CCDC7: variants seen among roughly 807,000 people sequenced by gnomAD.
CCDC7 encodes the protein coiled-coil domain containing 7, also known as coiled-coil domain-containing protein 7.
In CCDC7, 183 loss-of-function variants were observed where a neutral mutation model predicts 196.9. The observed-to-expected ratio is 0.93, with a 90% CI of 0.82 to 1.05. CCDC7 has a LOEUF of 1.05. CCDC7 is among the 50% of genes least tolerant of loss of function. The pLI, the probability that CCDC7 is intolerant of heterozygous loss-of-function variation, is 0.00. For missense variants in CCDC7, 1,540 were observed against 1,482.2 expected (o/e 1.04, Z -0.64); for synonymous variants, 525 against 484.6 (o/e 1.08, Z -1.10).
intron 5 of CCDC7, among the ~76,000 whole-genome samples, chr10:32,464,438 T>C (rs2036335239): frequency 6.6e-6 from 1 of 152,214 alleles, no homozygotes; most frequent in African/African-American, 2.4e-5. Context: ...CTTATACATA[T>C]GACTAATTAT....
chr10:32,813,012 T>G (rs1023431998), intron 30 of CCDC7, among the ~76,000 whole-genome samples: 1 of 152,180 alleles, frequency 6.6e-6, no homozygotes, highest in African/African-American at 2.4e-5. Context: ...CAGTATAGAA[T>G]GCAGTTGTGG....
At chr10:32,737,352 G>A (rs966265132) in intron 28 of CCDC7, among the ~76,000 whole-genome samples, 11 of 152,114 alleles carry the variant, frequency 7.2e-5, no homozygotes, top group Admixed American at 2.0e-4. Context: ...TTTGGTATTA[G>A]GGTAATATAG....
chr10:32,739,600 A>C (rs2085460845), intron 28 of CCDC7, among the ~76,000 whole-genome samples: 1 of 151,504 alleles, frequency 6.6e-6, no homozygotes, highest in African/African-American at 2.4e-5. Context: ...TAATTTGAAA[A>C]ATTCTGCCAT....
intron 9 of CCDC7, 112 bp from the exon 11 acceptor site, chr10:32,517,833 A>G: frequency 8.7e-7 from 1 of 1,154,184 alleles, no homozygotes; most frequent in Non-Finnish European, 1.2e-6. Flanking sequence ...AGAATAAAAC[A>G]GCAGCAACTA....
At chr10:32,635,399 A>G (rs1243122368) in intron 20 of CCDC7, among the ~76,000 whole-genome samples, 1 of 152,168 alleles carries the variant, frequency 6.6e-6, no homozygotes, top group Non-Finnish European at 1.5e-5. Context: ...ACATTTTATT[A>G]TTAATGTACA....
At chr10:32,675,531 G>A (rs1363076884) in intron 21 of CCDC7, 2 of 152,056 alleles carry the variant, frequency 1.3e-5, no homozygotes, top group Non-Finnish European at 2.9e-5. Flanking sequence ...TTATACTAGA[G>A]TTAAAATGAT....
At chr10:32,662,354 G>A (rs2071662421) in intron 20 of CCDC7, among the ~76,000 whole-genome samples, 1 of 152,176 alleles carries the variant, frequency 6.6e-6, no homozygotes, top group South Asian at 2.1e-4. Context: ...CTACTAAGGT[G>A]CTTTTTCCTG....
At chr10:32,704,589 T>G (rs2079368096) in intron 24 of CCDC7, among the ~76,000 whole-genome samples, 1 of 152,084 alleles carries the variant, frequency 6.6e-6, no homozygotes, top group Admixed American at 6.5e-5. Flanking sequence ...TTTGTTTGGG[T>G]ATGCCCTGCC....
At chr10:32,709,443 C>G (rs111850272) in intron 24 of CCDC7, among the ~76,000 whole-genome samples, 4 of 152,036 alleles carry the variant, frequency 2.6e-5, no homozygotes, top group African/African-American at 9.7e-5. Flanking sequence ...ACGTTATGCA[C>G]ATGTACCCTA....
Position 32,638,403 on chromosome 10 carries a change from C to T in CCDC7, c.2014+3245C>T, listed in dbSNP as rs531200832. On this transcript the variant is annotated intron_variant, in intron 20 of 41. Coordinates refer to ENST00000639629, the Ensembl canonical transcript of CCDC7. The stretch of plus-strand genomic sequence containing the variant: ...AGCTCTTATTATTTTGAGATACGTC[C>T]CATCAATACCTAATGTATTGAGAGT... Among the ~76,000 whole-genome samples the T allele has an allele frequency of 2.0e-5, 3 of 152,226 alleles. No homozygotes were observed. In the East Asian group the frequency reaches 5.8e-4, roughly 29 times the overall value.
intron 24 of CCDC7, among the ~76,000 whole-genome samples, chr10:32,704,508 C>A (rs955499379): frequency 6.6e-6 from 1 of 152,120 alleles, no homozygotes; most frequent in Non-Finnish European, 1.5e-5. Context: ...AAACTCCATG[C>A]TGGGAGAACC....
chr10:32,544,436 G>A, intron 13 of CCDC7, 135 bp downstream of exon 14: 1 of 789,034 alleles, frequency 1.3e-6, no homozygotes, highest in Non-Finnish European at 1.8e-6. Context: ...CTGTGTGTGT[G>A]TGTACTAAAA....
chr10:32,679,814 T>C (rs1286007174), intron 21 of CCDC7, among the ~76,000 whole-genome samples: 2 of 152,184 alleles, frequency 1.3e-5, no homozygotes. Context: ...GGTTTATGCA[T>C]GGATGACAGA....
intron 22 of CCDC7, among the ~76,000 whole-genome samples, chr10:32,688,077 T>G (rs2141186703): frequency 6.6e-6 from 1 of 152,258 alleles, no homozygotes; most frequent in South Asian, 2.1e-4. Context: ...ATCTCTTTTT[T>G]TTCCCTGCCA....
At chr10:32,614,219 G>A (rs2062508820) in intron 18 of CCDC7, among the ~76,000 whole-genome samples, 1 of 151,310 alleles carries the variant, frequency 6.6e-6, no homozygotes, top group South Asian at 2.1e-4. Context: ...TCAGAGACTA[G>A]GATTGCAACC....
At chr10:32,560,130 T>TAAAAAG (rs1050661102) in intron 13 of CCDC7, among the ~76,000 whole-genome samples, 3 of 152,030 alleles carry the variant, frequency 2.0e-5, no homozygotes, top group African/African-American at 7.3e-5. Flanking sequence ...GGAAAAAGAA[T>TAAAAAG]AAAAAGAAAC....
chr10:32,817,936 GC>G (rs2089169056), intron 31 of CCDC7, among the ~76,000 whole-genome samples: 1 of 152,124 alleles, frequency 6.6e-6, no homozygotes, highest in Non-Finnish European at 1.5e-5. Context: ...CAACTAACGA[GC>G]AAAATAACCA....
intron 3 of CCDC7, among the ~76,000 whole-genome samples, chr10:32,459,126 G>A (rs967027686): frequency 2.0e-5 from 3 of 151,864 alleles, no homozygotes; most frequent in Non-Finnish European, 4.4e-5. Context: ...ATTTTTATAT[G>A]TTGATTTTAT....
chr10:32,540,172 T>C (rs1325011162), intron 11 of CCDC7, among the ~76,000 whole-genome samples: 1 of 152,218 alleles, frequency 6.6e-6, no homozygotes, highest in Non-Finnish European at 1.5e-5. Context: ...CCCTAAGAAC[T>C]TGCTTACCCT....
Sources: gnomAD v4.1 joint callset for allele counts (sites outside exome capture counted in the v4.1 genomes callset) on GRCh38, gnomAD v4.1.1 for gene constraint, MANE v1.5 for transcripts, NCBI Gene and HGNC (gene_info 2026-07-23, HGNC 2026-07-21) for gene names.